SUGP2: variants seen among roughly 807,000 people sequenced by gnomAD.
SUGP2 encodes the protein SURP and G-patch domain-containing protein 2.
Under a neutral mutation model 90.5 loss-of-function variants are expected in SUGP2, and 24 were observed. The ratio of observed to expected loss-of-function variants is 0.27; its 90% CI spans 0.19 to 0.37. SUGP2 has a LOEUF of 0.37. SUGP2 is among the 10% of genes least tolerant of loss of function. The pLI is 1.00. For synonymous variants in SUGP2, 473 were observed against 513.4 expected (o/e 0.92, Z 1.06); for missense variants, 1,233 against 1,363.3 (o/e 0.90, Z 1.51).
In SUGP2 at chr19:19,025,646, C is replaced by T; in HGVS notation, c.702G>A (p.Leu234=). ...SLLGKGETQG[L]LTAKGGVGKL... is the part of the protein sequence containing the mutation. ...TCCCAACACCCCCCTTAGCTGTGAG[C>T]AGGCCCTGAGTCTCCCCCTTTCCTA... The change falls in exon 3 of 11, where the codon CTG becomes CTA. Residue 234 remains leucine, a synonymous_variant. Coordinates refer to ENST00000452918, the MANE Select transcript of SUGP2 (RefSeq NM_001017392.5). 2 of 1,614,060 alleles carry T rather than the reference C, an allele frequency of 1.2e-6. No homozygotes were observed. The highest frequency in any genetic ancestry group is 2.2e-5 in the South Asian group (2 of 91,074).
chr19:19,009,763 T>C (rs949624196), intron 5 of SUGP2, 92 bp downstream of exon 5: 122 of 1,477,742 alleles, frequency 8.3e-5, no homozygotes, highest in Non-Finnish European at 1.1e-4. Context: ...CTGCCTTGCC[T>C]AGATTGCAGG....
At chr19:19,002,315 G>T (rs201314360) in intron 7 of SUGP2, among the ~76,000 whole-genome samples, 2 of 151,838 alleles carry the variant, frequency 1.3e-5, no homozygotes, top group African/African-American at 4.8e-5. Flanking sequence ...GGGAGGCAGA[G>T]GTTGTAGTGA....
At chr19:19,027,167 C>T (rs2058968537) in intron 2 of SUGP2, among the ~76,000 whole-genome samples, 1 of 152,188 alleles carries the variant, frequency 6.6e-6, no homozygotes, top group Non-Finnish European at 1.5e-5. Context: ...TGCTTAATCA[C>T]ACATGGAGAA....
chr19:19,000,499 T>G (rs1247836830), intron 8 of SUGP2, among the ~76,000 whole-genome samples: 1 of 152,232 alleles, frequency 6.6e-6, no homozygotes, highest in African/African-American at 2.4e-5. Context: ...CTCTGCTTAC[T>G]AGCAGATTAG....
intron 2 of SUGP2, among the ~76,000 whole-genome samples, chr19:19,029,361 C>G (rs1356223443): frequency 6.6e-6 from 1 of 151,176 alleles, no homozygotes; most frequent in Non-Finnish European, 1.5e-5. Context: ...GTCTCGATCT[C>G]CTGACCTTGT....
intron 4 of SUGP2, 39 bp from the exon 5 acceptor site, chr19:19,010,381 A>T: frequency 6.3e-7 from 1 of 1,588,658 alleles, no homozygotes; most frequent in African/African-American, 1.3e-5. Flanking sequence ...ATTTATGAAA[A>T]CACCACCAGG....
intron 4 of SUGP2, among the ~76,000 whole-genome samples, chr19:19,012,285 G>C (rs1192662909): frequency 6.6e-6 from 1 of 152,186 alleles, no homozygotes; most frequent in African/African-American, 2.4e-5. Context: ...TGGGCACTCT[G>C]GTTCTCAAGT....
chr19:19,023,591 G>A (rs1015457620), intron 3 of SUGP2, among the ~76,000 whole-genome samples: 3 of 152,138 alleles, frequency 2.0e-5, no homozygotes, highest in Non-Finnish European at 2.9e-5. Context: ...AATACCTTGT[G>A]GGGACATGTT....
At chr19:19,008,228 C>T (rs531626365) in intron 6 of SUGP2, 89 bp downstream of exon 6, 17 of 1,132,674 alleles carry the variant, frequency 1.5e-5, no homozygotes, top group African/African-American at 3.0e-5. Flanking sequence ...CACTTGAGCC[C>T]AGGAATTCAA....
intron 4 of SUGP2, among the ~76,000 whole-genome samples, chr19:19,018,175 T>G (rs762381856): frequency 6.6e-6 from 1 of 151,888 alleles, no homozygotes; most frequent in Non-Finnish European, 1.5e-5. Flanking sequence ...CCATTGCCTC[T>G]TTGCTGAGGT....
At position 19,006,571 on chromosome 19, in the gene SUGP2, C is replaced by G. The variant is rs867545378; in HGVS notation, c.2450+1746G>C. 3.9e-5 allele frequency among the ~76,000 whole-genome samples: 6 copies of G among 152,138 alleles called. 1 individual carries two copies. Among genetic ancestry groups the G allele is most frequent in the Admixed American group, 2.0e-4 (3 of 15,276 alleles). On this transcript the variant is annotated intron_variant, in intron 6 of 10. Coordinates refer to ENST00000452918, the MANE Select transcript of SUGP2 (RefSeq NM_001017392.5). ...ATGCAAAATTCTCCTTTAAACTGTA[C>G]TTTTCATTGAAAAAAAAGAAAGTGA...
rs1208848829 is a variant in SUGP2, at chr19:19,030,993, T to C, written c.79A>G (p.Ser27Gly). The change falls in exon 2 of 11, where the codon AGT becomes GGT. Residue 27 changes from serine to glycine, a missense_variant. Ser to Gly is a moderately conservative substitution (Grantham distance 56). Around this residue, in one of 8 missense-constraint regions of SUGP2, gnomAD observed 418 missense variants for 399.9 expected, o/e 1.05. Coordinates refer to ENST00000452918, the MANE Select transcript of SUGP2 (RefSeq NM_001017392.5). ...AGAGTTTCGCTTACAGCCTCACCACTGGCATCCATGTGATATCGTTTGGCT... is the reference window on the plus strand; with the variant it reads ...AGAGTTTCGCTTACAGCCTCACCACCGGCATCCATGTGATATCGTTTGGCT... The part of the protein sequence containing the change: ...EKAKRYHMDA[S>G]GEAVSETLQF... 1.2e-6 allele frequency: 2 copies of C among 1,613,702 alleles called. No homozygotes were observed. Among genetic ancestry groups the C allele is most frequent in the Non-Finnish European group, 8.5e-7 (1 of 1,179,950 alleles).
chr19:19,028,089 G>A (rs1460033190), intron 2 of SUGP2, among the ~76,000 whole-genome samples: 3 of 152,152 alleles, frequency 2.0e-5, no homozygotes, highest in Non-Finnish European at 4.4e-5. Flanking sequence ...GGGAACACAG[G>A]GAATGAAAGG....
rs1041043768 is a variant in SUGP2, at chr19:19,025,877, A to G, written c.471T>C (p.Ser157=). ...GACCAAAACTATACTCCTGTGACCA[A>G]GAGGACTCTTGAGAAACTGGATGGC... ...DFGHPVSQES[S]WSQEYSFGPS... is the part of the protein sequence containing the mutation. The change falls in exon 3 of 11, where the codon TCT becomes TCC. Residue 157 remains serine (S), a synonymous_variant. Transcript: ENST00000452918. 3.7e-6 allele frequency: 6 copies of G among 1,614,064 alleles called. No individual in the cohort carries two copies. The highest frequency in any genetic ancestry group is 5.1e-6 in the Non-Finnish European group (6 of 1,180,048).
rs1165006925 is a variant in SUGP2 at position 18,991,713 on chromosome 19, C to A, written c.*2028G>T. 6.6e-6 allele frequency: 1 copy of A among 152,292 alleles called. No homozygotes were observed. The highest frequency in any genetic ancestry group is 1.5e-5 in the Non-Finnish European group (1 of 68,128). The allele number at this position is 152,292 out of a possible 1,614,324, so 9.4% of individuals were successfully genotyped here. A position where few individuals can be genotyped will look rare whatever the true frequency, so the allele number is the denominator to read the frequency against. On this transcript the variant is annotated 3_prime_UTR_variant, in exon 11 of 11. Coordinates refer to ENST00000452918, the MANE Select transcript of SUGP2 (RefSeq NM_001017392.5). ...GCTGAGCCCCGCTTGGAGCTCCATC[C>A]ATTCACCTGACCCATGGCCAACATG...
intron 1 of SUGP2, 176 bp downstream of exon 1, chr19:19,033,261 G>T: frequency 1.6e-6 from 1 of 628,152 alleles, no homozygotes; most frequent in Non-Finnish European, 2.1e-6. Flanking sequence ...GGGGGCGCCG[G>T]GCCCGGGAGG....
chr19:19,010,042 A>G lies in SUGP2; in HGVS notation c.2151T>C (p.Ala717=), dbSNP rs1260690872. ...ATGGTTTTGCCTGTGAGAGGCCTGG[A>G]GCCTGCCGGCCGTGGTGTTTCAGCC... ...GTRLKHHGRQ[A]PGLSQAKPSL... Residue 717 remains alanine, a synonymous_variant, in exon 5 of 11, where the codon GCT becomes GCC. Transcript: ENST00000452918. The G allele has an allele frequency of 3.1e-6, 5 of 1,611,202 alleles. No homozygotes were observed. Among genetic ancestry groups the G allele is most frequent in the Non-Finnish European group, 4.2e-6 (5 of 1,179,724 alleles).
upstream of SUGP2, chr19:19,033,662 G>A (rs1441979856): frequency 2.7e-6 from 2 of 730,392 alleles, no homozygotes; most frequent in African/African-American, 1.9e-5. Context: ...CGCTCTGGAG[G>A]CAAAACATTT....
At chr19:19,017,962 A>C (rs951790021) in intron 4 of SUGP2, among the ~76,000 whole-genome samples, 1 of 148,032 alleles carries the variant, frequency 6.8e-6, no homozygotes, top group Non-Finnish European at 1.5e-5. Flanking sequence ...ATGGTGTCTC[A>C]GCCCAGCACA....
Sources: allele counts gnomAD v4.1 joint callset (sites outside exome capture counted in the v4.1 genomes callset), GRCh38; gene constraint gnomAD v4.1.1; regional missense constraint gnomAD v4.1.1; transcripts MANE v1.5; gene names NCBI Gene and HGNC (gene_info 2026-07-23, HGNC 2026-07-21).